The following TRIM62 variants were observed in gnomAD, a reference collection of about 807,000 sequenced individuals.
The protein encoded by TRIM62 is E3 ubiquitin-protein ligase TRIM62.
TRIM62 carries 39 observed loss-of-function variants against 44.2 expected under a neutral mutation model. The observed-to-expected ratio is 0.88, with a 90% CI of 0.68 to 1.15. The LOEUF (loss-of-function observed/expected upper bound fraction) is 1.15. Ranked by LOEUF, TRIM62 falls within the 50% of genes most tolerant of loss-of-function variation. The pLI is 0.00. For synonymous variants in TRIM62, 278 were observed against 292.3 expected (o/e 0.95, Z 0.50); for missense variants, 544 against 665.5 (o/e 0.82, Z 2.01).
At chr1:33,149,238 C>T (rs537176165) in intron 4 of TRIM62, among the ~76,000 whole-genome samples, 1 of 152,326 alleles carries the variant, frequency 6.6e-6, no homozygotes, top group African/African-American at 2.4e-5. Context: ...CTGCAACCTC[C>T]ACCTCCCAGG....
rs987368676 is a variant in TRIM62 at position 33,177,790 on chromosome 1, G to A, written c.408+3235C>T. ...TCTAGCCCCAAATGTCAATAATGCC[G>A]AGTACGATGTAACCTACTATAGCTG... On this transcript the variant is annotated intron_variant, in intron 1 of 4. Coordinates refer to ENST00000291416, the MANE Select transcript of TRIM62 (RefSeq NM_018207.3). This position sits in a 1 kb window ranked among gnomAD's most constrained non-coding sequence, Gnocchi z 4.1. Among the ~76,000 whole-genome samples, 2 of 152,296 alleles carry A rather than the reference G, an allele frequency of 1.3e-5. No individual in the cohort carries two copies. The highest frequency in any genetic ancestry group is 4.8e-5 in the African/African-American group (2 of 41,552).
intron 1 of TRIM62, among the ~76,000 whole-genome samples, chr1:33,174,291 C>T (rs1310656741): frequency 6.6e-6 from 1 of 152,118 alleles, no homozygotes; most frequent in Non-Finnish European, 1.5e-5. Context: ...AAGTGATCCT[C>T]CCACCTCAGC....
Position 33,181,496 on chromosome 1 carries a change from T to C in TRIM62, c.-64A>G. 2 of 1,504,444 alleles carry C rather than the reference T, an allele frequency of 1.3e-6. No individual in the cohort carries two copies. Among genetic ancestry groups the C allele is most frequent in the Non-Finnish European group, 1.8e-6 (2 of 1,136,538 alleles). The allele number at this position is 1,504,444 out of a possible 1,614,324, so 93.2% of individuals were successfully genotyped here. ...GGGGGCGGCTGAGAGAGCGCGGCGC[T>C]GTCGGAGGCAGCACCGAGGGCTGGG... On this transcript the variant is annotated 5_prime_UTR_variant, in exon 1 of 5. Coordinates refer to ENST00000291416, the MANE Select transcript of TRIM62 (RefSeq NM_018207.3). This position sits in a 1 kb window ranked among gnomAD's most constrained non-coding sequence, Gnocchi z 6.5.
chr1:33,173,143 C>T (rs1457394543), intron 1 of TRIM62, among the ~76,000 whole-genome samples: 1 of 152,140 alleles, frequency 6.6e-6, no homozygotes, highest in Admixed American at 6.6e-5. Flanking sequence ...ACCGGATGCT[C>T]CTGGTCCTCC....
At chr1:33,156,732 C>T (rs558719030) in intron 4 of TRIM62, among the ~76,000 whole-genome samples, 1 of 152,304 alleles carries the variant, frequency 6.6e-6, no homozygotes, top group African/African-American at 2.4e-5. Flanking sequence ...CTTGTCATCC[C>T]TACTGCCTTT....
rs370145842 is a variant in TRIM62 at position 33,147,924 on chromosome 1, T to C, written c.878-197A>G. On this transcript the variant is annotated intron_variant, in intron 4 of 4. Transcript: ENST00000291416. The surrounding 1 kb of genome is among the most constrained non-coding windows in gnomAD (Gnocchi z 8.1). ...ATGGAAGGGTGGTGGTTAAGGTCCTTCCAGATATTGTCTGCAGGGGAGCAG... is the reference window on the plus strand; with the variant it reads ...ATGGAAGGGTGGTGGTTAAGGTCCTCCCAGATATTGTCTGCAGGGGAGCAG... Among the ~76,000 whole-genome samples, 3 of 152,182 alleles carry C rather than the reference T, an allele frequency of 2.0e-5. No homozygotes were observed. The highest frequency in any genetic ancestry group is 7.2e-5 in the African/African-American group (3 of 41,438).
intron 1 of TRIM62, among the ~76,000 whole-genome samples, chr1:33,170,255 A>G (rs1645362501): frequency 6.6e-6 from 1 of 151,810 alleles, no homozygotes; most frequent in Admixed American, 6.6e-5. Flanking sequence ...GCTTTAACCC[A>G]GGAGGTTGCA....
At chr1:33,174,928 CACAT>C (rs1332767509) in intron 1 of TRIM62, among the ~76,000 whole-genome samples, 5 of 121,858 alleles carry the variant, frequency 4.1e-5, no homozygotes, top group Admixed American at 2.7e-4. Context: ...TACACACACA[CACAT>C]ACATATATGT....
At chr1:33,175,050 T>TATGTATATGTA (rs1557762590) in intron 1 of TRIM62, among the ~76,000 whole-genome samples, 3 of 151,284 alleles carry the variant, frequency 2.0e-5, no homozygotes, top group African/African-American at 7.3e-5. Context: ...TGTATATGTA[T>TATGTATATGTA]TTTTTTTAAG....
In TRIM62 at chr1:33,159,689, G is replaced by A. The variant is rs540381997; in HGVS notation, c.760C>T (p.Arg254Trp). ...FLAGVASLSE[R>W]LKGKIHETNL... ...AGGGCCCCGGCGGGTGGCACTTACC[G>A]CTCGGACAGTGAGGCCACCCCAGCC... Residue 254 changes from arginine to tryptophan, a missense_variant and splice_region_variant, in exon 3 of 5, where the codon CGG (arginine) becomes TGG (tryptophan). Arg to Trp is a moderately radical substitution (Grantham distance 101). Coordinates refer to ENST00000291416, the MANE Select transcript of TRIM62 (RefSeq NM_018207.3). This position sits in a 1 kb window ranked among gnomAD's most constrained non-coding sequence, Gnocchi z 4.2. 7.5e-6 allele frequency: 12 copies of A among 1,605,692 alleles called. No homozygotes were observed. The South Asian group carries it at 9.9e-5, about 13-fold the overall frequency.
chr1:33,162,516 C>T (rs1319219570), intron 2 of TRIM62, among the ~76,000 whole-genome samples: 1 of 152,240 alleles, frequency 6.6e-6, no homozygotes, highest in Non-Finnish European at 1.5e-5. Context: ...TCTCCCTCGG[C>T]TCTGCACCCC....
Position 33,159,089 on chromosome 1 carries a change from C to T in TRIM62, c.761+599G>A, listed in dbSNP as rs1436721990. 6.6e-6 allele frequency among the ~76,000 whole-genome samples: 1 copy of T among 151,998 alleles called. No individual in the cohort carries two copies. The highest frequency in any genetic ancestry group is 2.4e-5 in the African/African-American group (1 of 41,368). On this transcript the variant is annotated intron_variant, in intron 3 of 4. Transcript: ENST00000291416. The surrounding 1 kb of genome is among the most constrained non-coding windows in gnomAD (Gnocchi z 4.2). ...TGAACTCCTGACCTCAGGTAATCCA[C>T]CTGCCTCGGCCTCCCAAAGTGCTGG...
intron 1 of TRIM62, chr1:33,176,527 T>G: frequency 1.5e-6 from 1 of 648,146 alleles, no homozygotes; most frequent in South Asian, 1.6e-5. Context: ...TCGGATCCCC[T>G]CTCTGGGGGT....
intron 1 of TRIM62, among the ~76,000 whole-genome samples, chr1:33,175,385 C>G (rs961929273): frequency 6.6e-6 from 1 of 152,098 alleles, no homozygotes; most frequent in Non-Finnish European, 1.5e-5. Flanking sequence ...CAGAACTCAC[C>G]TCCAAATCTG....
chr1:33,165,332 C>CCAGA lies in TRIM62; in HGVS notation c.504+138_504+139insTCTG. 1 of 707,640 alleles carries CCAGA rather than the reference C, an allele frequency of 1.4e-6. No homozygotes were observed. 43.8% of individuals were successfully genotyped at this position (707,640 alleles called of 1,614,324 possible). A position where few individuals can be genotyped will look rare whatever the true frequency, so the allele number is the denominator to read the frequency against. On this transcript the variant is annotated intron_variant, in intron 2 of 4. Coordinates refer to ENST00000291416, the MANE Select transcript of TRIM62 (RefSeq NM_018207.3). The surrounding 1 kb of genome is among the most constrained non-coding windows in gnomAD (Gnocchi z 4.0). ...CTACCCTCTTCCCCACCCTGCCCTTCTCACTCCAGGTTTGGCTCCTTGAAG... is the reference window on the plus strand; with the variant it reads ...CTACCCTCTTCCCCACCCTGCCCTTCCAGATCACTCCAGGTTTGGCTCCTTGAAG...
rs1415053024 is a variant in TRIM62, at chr1:33,161,888, G to A, written c.505-1944C>T. ...TGCCTCTCTGCCTCCCATGTTCCTC[G>A]GGGCTCATCCAGGTCAGCGCCTTCC... On this transcript the variant is annotated intron_variant, in intron 2 of 4. Transcript: ENST00000291416. The surrounding 1 kb of genome is among the most constrained non-coding windows in gnomAD (Gnocchi z 4.3). Among the ~76,000 whole-genome samples, 4 of 151,966 alleles carry A rather than the reference G, an allele frequency of 2.6e-5. No individual in the cohort carries two copies. Among genetic ancestry groups the A allele is most frequent in the Non-Finnish European group, 4.4e-5 (3 of 67,992 alleles).
chr1:33,178,810 A>C (rs1645440334), intron 1 of TRIM62, among the ~76,000 whole-genome samples: 1 of 152,228 alleles, frequency 6.6e-6, no homozygotes, highest in Non-Finnish European at 1.5e-5. Flanking sequence ...CCAATAATGA[A>C]GCATTTCAAT....
At position 33,145,677 on chromosome 1, in the gene TRIM62, C is replaced by T. The variant is rs953414128; in HGVS notation, c.*1500G>A. 1 of 321,662 alleles carries T rather than the reference C, an allele frequency of 3.1e-6. No homozygotes were observed. The highest frequency in any genetic ancestry group is 2.2e-5 in the African/African-American group (1 of 45,512). 19.9% of individuals were successfully genotyped at this position (321,662 alleles called of 1,614,324 possible). Reference sequence around the variant, plus strand: ...CCAGGACTAGAAAGAAAAGTCAAGGCCGGGGAGACATTTAGGCTCAGTCTT... The same window carrying T: ...CCAGGACTAGAAAGAAAAGTCAAGGTCGGGGAGACATTTAGGCTCAGTCTT... On this transcript the variant is annotated 3_prime_UTR_variant, in exon 5 of 5. Coordinates refer to ENST00000291416, the MANE Select transcript of TRIM62 (RefSeq NM_018207.3).
chr1:33,159,681 CACTT>C lies in TRIM62; in HGVS notation c.761+3_761+6del, dbSNP rs1419668539. 4 of 1,601,970 alleles carry C rather than the reference CACTT, an allele frequency of 2.5e-6. No homozygotes were observed. The highest frequency in any genetic ancestry group is 3.4e-6 in the Non-Finnish European group (4 of 1,175,718). On this transcript the variant is annotated splice_donor_5th_base_variant and intron_variant, in intron 3 of 4. Transcript: ENST00000291416. This position sits in a 1 kb window ranked among gnomAD's most constrained non-coding sequence, Gnocchi z 4.2. The stretch of plus-strand genomic sequence containing the variant: ...AGCCGGGGAGGGCCCCGGCGGGTGG[CACTT>C]ACCGCTCGGACAGTGAGGCCACCCC...
Sources: gnomAD v4.1 joint callset for allele counts (sites outside exome capture counted in the v4.1 genomes callset) on GRCh38, gnomAD v4.1.1 for gene constraint, Gnocchi (gnomAD v3.1) non-coding constraint, MANE v1.5 for transcripts, NCBI Gene and HGNC (gene_info 2026-07-23, HGNC 2026-07-21) for gene names.